Variants in LDB2 observed in about 807,000 individuals in gnomAD.
LDB2 encodes the protein LIM domain-binding protein 2.
In LDB2, 12 loss-of-function variants were observed where a neutral mutation model predicts 44.3. The observed-to-expected ratio is 0.27, with a 90% CI of 0.17 to 0.44. LDB2 has a LOEUF of 0.44. LDB2 is among the 20% of genes least tolerant of loss of function. The pLI is 1.00. For synonymous variants in LDB2, 164 were observed against 174.8 expected (o/e 0.94, Z 0.49); for missense variants, 344 against 473.5 (o/e 0.73, Z 2.54).
intron 2 of LDB2, among the ~76,000 whole-genome samples, chr4:16,672,333 T>C (rs1460721079): frequency 6.6e-6 from 1 of 152,110 alleles, no homozygotes. Context: ...ATGTCTCCAA[T>C]ACCCACATTC....
At chr4:16,721,480 T>C (rs1451474779) in intron 2 of LDB2, among the ~76,000 whole-genome samples, 3 of 152,194 alleles carry the variant, frequency 2.0e-5, no homozygotes, top group Non-Finnish European at 4.4e-5. Context: ...GTTAATTTTT[T>C]AGAATTATTA....
chr4:16,655,461 G>C (rs1345755124), intron 2 of LDB2, among the ~76,000 whole-genome samples: 1 of 150,762 alleles, frequency 6.6e-6, no homozygotes, highest in Non-Finnish European at 1.5e-5. Context: ...CAGTGTGTGT[G>C]AGAGACAGCC....
At chr4:16,770,920 A>G (rs2109341836) in intron 1 of LDB2, among the ~76,000 whole-genome samples, 1 of 152,196 alleles carries the variant, frequency 6.6e-6, no homozygotes, top group Non-Finnish European at 1.5e-5. Context: ...ATTACATCAC[A>G]CCATCTAGGT....
chr4:16,777,263 T>C (rs1772135538), intron 1 of LDB2, among the ~76,000 whole-genome samples: 1 of 151,794 alleles, frequency 6.6e-6, no homozygotes, highest in Non-Finnish European at 1.5e-5. Context: ...GCATACGGTG[T>C]TAGGGGAGAG....
intron 2 of LDB2, among the ~76,000 whole-genome samples, chr4:16,677,155 G>A (rs1379470934): frequency 2.0e-5 from 3 of 152,124 alleles, no homozygotes; most frequent in Non-Finnish European, 4.4e-5. Context: ...TGGCCAATCA[G>A]CACTGAAGGA....
intron 5 of LDB2, among the ~76,000 whole-genome samples, chr4:16,552,110 T>C (rs899987041): frequency 6.6e-6 from 1 of 152,192 alleles, no homozygotes; most frequent in African/African-American, 2.4e-5. Context: ...CCTTTATCCT[T>C]GTTGGTTTGT....
At chr4:16,522,629 A>G (rs1726654764) in intron 5 of LDB2, among the ~76,000 whole-genome samples, 1 of 152,200 alleles carries the variant, frequency 6.6e-6, no homozygotes, top group Non-Finnish European at 1.5e-5. Flanking sequence ...GAACAACTCT[A>G]TGTATCTCTG....
chr4:16,529,795 A>G (rs1191581058), intron 5 of LDB2, among the ~76,000 whole-genome samples: 1 of 152,142 alleles, frequency 6.6e-6, no homozygotes, highest in Non-Finnish European at 1.5e-5. Flanking sequence ...GATGCAATAT[A>G]TTGCGGCTTC....
chr4:16,836,412 C>A (rs1784888994), intron 1 of LDB2, among the ~76,000 whole-genome samples: 1 of 152,194 alleles, frequency 6.6e-6, no homozygotes, highest in South Asian at 2.1e-4. Context: ...CTCCCAGGTG[C>A]TCAGGAAGTC....
chr4:16,810,562 A>C (rs546197286), intron 1 of LDB2, among the ~76,000 whole-genome samples: 17 of 31,556 alleles, frequency 5.4e-4, no homozygotes, highest in African/African-American at 9.7e-4. Context: ...TCAAATCAGT[A>C]AAAGGTTTTC....
intron 2 of LDB2, chr4:16,674,360 T>C (rs1055171538): frequency 3.1e-6 from 3 of 956,404 alleles, no homozygotes; most frequent in Admixed American, 4.6e-5. Context: ...GATGCAAAGA[T>C]AAGAGCAGTT....
At chr4:16,623,290 C>T (rs1397642934) in intron 2 of LDB2, among the ~76,000 whole-genome samples, 1 of 152,158 alleles carries the variant, frequency 6.6e-6, no homozygotes, top group Non-Finnish European at 1.5e-5. Flanking sequence ...TGCTTTTAAA[C>T]ATATTATTTA....
Position 16,882,786 on chromosome 4 carries a change from C to G in LDB2, c.132+15568G>C, listed in dbSNP as rs903980421. On this transcript the variant is annotated intron_variant, in intron 1 of 7. Transcript: ENST00000304523. Reference sequence around the variant, plus strand: ...AAATAGGTTTAAATCACCATCCCAGCAAGCAGTTTTTAAAATAGTACACAC... The same window carrying G: ...AAATAGGTTTAAATCACCATCCCAGGAAGCAGTTTTTAAAATAGTACACAC... Among the ~76,000 whole-genome samples, 20 of 152,134 alleles carry G rather than the reference C, an allele frequency of 1.3e-4. 1 individual carries two copies.
intron 1 of LDB2, among the ~76,000 whole-genome samples, chr4:16,807,961 G>T (rs1024553407): frequency 5.3e-5 from 8 of 152,180 alleles, no homozygotes; most frequent in African/African-American, 1.7e-4. Flanking sequence ...AGGTACAACA[G>T]GTGAAGGTAG....
At chr4:16,814,453 C>T (rs1006646841) in intron 1 of LDB2, among the ~76,000 whole-genome samples, 1 of 152,164 alleles carries the variant, frequency 6.6e-6, no homozygotes, top group African/African-American at 2.4e-5. Flanking sequence ...ACCATGAAAT[C>T]ATTTTTGCTG....
At chr4:16,700,872 CAAGTA>C (rs1381076696) in intron 2 of LDB2, among the ~76,000 whole-genome samples, 3 of 152,190 alleles carry the variant, frequency 2.0e-5, no homozygotes, top group African/African-American at 7.2e-5. Context: ...TCAGCTAAGG[CAAGTA>C]AATATACAAA....
intron 3 of LDB2, 98 bp from the exon 4 acceptor site, chr4:16,588,930 T>A: frequency 7.8e-7 from 1 of 1,288,298 alleles, no homozygotes; most frequent in Non-Finnish European, 1.1e-6. Context: ...CTTTCTGTCC[T>A]TGGGCAGTGC....
intron 1 of LDB2, among the ~76,000 whole-genome samples, chr4:16,862,979 G>C (rs1253532788): frequency 1.3e-5 from 2 of 152,104 alleles, no homozygotes; most frequent in African/African-American, 4.8e-5. Context: ...GCTGAGTAAG[G>C]GCGCCATCCA....
chr4:16,556,119 A>T (rs1323679035), intron 5 of LDB2, among the ~76,000 whole-genome samples: 1 of 152,170 alleles, frequency 6.6e-6, no homozygotes, highest in Non-Finnish European at 1.5e-5. Flanking sequence ...ACTGGAGGCA[A>T]ATTTCCTTTG....
Sources: allele counts gnomAD v4.1 joint callset (sites outside exome capture counted in the v4.1 genomes callset), GRCh38; gene constraint gnomAD v4.1.1; transcripts MANE v1.5; gene names NCBI Gene and HGNC (gene_info 2026-07-23, HGNC 2026-07-21).